The following UNC13C variants were observed in gnomAD, a reference collection of about 807,000 sequenced individuals.
UNC13C encodes the protein protein unc-13 homolog C.
A neutral mutation model predicts 245.4 loss-of-function variants in UNC13C; 174 were observed. The ratio of observed to expected loss-of-function variants is 0.71; its 90% CI spans 0.63 to 0.80. The LOEUF is 0.80. UNC13C is among the 30% of genes least tolerant of loss of function. The pLI is 0.00. For synonymous variants in UNC13C, 992 were observed against 895.1 expected (o/e 1.11, Z -1.93); for missense variants, 2,829 against 2,602.9 (o/e 1.09, Z -1.89).
chr15:54,267,913 T>C (rs993660524), intron 10 of UNC13C, among the ~76,000 whole-genome samples: 5 of 152,066 alleles, frequency 3.3e-5, no homozygotes, highest in Non-Finnish European at 1.5e-5. Flanking sequence ...AGTTGCCTCA[T>C]AGCTCCTTGA....
At chr15:54,323,104 C>G (rs941539108) in intron 14 of UNC13C, among the ~76,000 whole-genome samples, 4 of 150,738 alleles carry the variant, frequency 2.7e-5, no homozygotes, top group Non-Finnish European at 5.9e-5. Context: ...ATTTAGTTTA[C>G]TGAATATATT....
intron 28 of UNC13C, 126 bp downstream of exon 28, chr15:54,549,817 A>T (rs1171386611): frequency 1.5e-5 from 9 of 612,986 alleles, no homozygotes; most frequent in Non-Finnish European, 2.2e-5. Flanking sequence ...GTGATTTCAC[A>T]ATCTGCTTTA....
chr15:54,424,996 T>C (rs2040729934), intron 19 of UNC13C, among the ~76,000 whole-genome samples: 1 of 151,838 alleles, frequency 6.6e-6, no homozygotes, highest in African/African-American at 2.4e-5. Flanking sequence ...AGCTTCAAAA[T>C]GTGTCCTGAT....
intron 19 of UNC13C, among the ~76,000 whole-genome samples, chr15:54,453,802 A>C (rs1891316907): frequency 6.6e-6 from 1 of 152,172 alleles, no homozygotes; most frequent in African/African-American, 2.4e-5. Flanking sequence ...TTGATATAGT[A>C]TATTATTTTT....
At chr15:53,955,104 G>A in the UNC13C span, among the ~76,000 whole-genome samples, 1 of 152,170 alleles carries the variant, frequency 6.6e-6, no homozygotes, top group East Asian at 1.9e-4. Flanking sequence ...GTGCCATTAA[G>A]TGCAAAGCAA....
intron 8 of UNC13C, among the ~76,000 whole-genome samples, chr15:54,258,670 G>A (rs2036344390): frequency 6.6e-6 from 1 of 152,070 alleles, no homozygotes; most frequent in Non-Finnish European, 1.5e-5. Context: ...CTCCTGGCCT[G>A]AAGTTCTTTA....
chr15:54,041,272 T>C (rs1896796236), intron 2 of UNC13C, among the ~76,000 whole-genome samples: 1 of 152,212 alleles, frequency 6.6e-6, no homozygotes, highest in Admixed American at 6.5e-5. Context: ...TAATTGGTAG[T>C]CAAATATTTC....
chr15:54,186,799 C>T (rs1014671453), intron 4 of UNC13C, among the ~76,000 whole-genome samples: 1 of 145,508 alleles, frequency 6.9e-6, no homozygotes, highest in Non-Finnish European at 1.5e-5. Flanking sequence ...CCCTTAATTA[C>T]CACATTATCA....
chr15:54,197,545 C>T (rs2034395841), intron 4 of UNC13C, among the ~76,000 whole-genome samples: 1 of 151,990 alleles, frequency 6.6e-6, no homozygotes. Flanking sequence ...TGCATGATTA[C>T]ATTTTAAGCA....
intron 2 of UNC13C, among the ~76,000 whole-genome samples, chr15:54,084,455 T>C (rs1028484449): frequency 2.0e-4 from 31 of 152,350 alleles, no homozygotes; most frequent in South Asian, 8.3e-4. Context: ...TATTTCTGGC[T>C]TTATAAATTC....
At chr15:53,976,346 C>T (rs1188649467), upstream of UNC13C, among the ~76,000 whole-genome samples, 1 of 152,054 alleles carries the variant, frequency 6.6e-6, no homozygotes, top group African/African-American at 2.4e-5. Context: ...CCAATAAAAA[C>T]TAATGATTAC....
chr15:54,522,944 A>G (rs1449276693), intron 24 of UNC13C, among the ~76,000 whole-genome samples: 1 of 152,202 alleles, frequency 6.6e-6, no homozygotes, highest in African/African-American at 2.4e-5. Flanking sequence ...AAATAACAAT[A>G]CAAAAAGATT....
At chr15:53,985,990 C>T (rs1263761903) in intron 1 of UNC13C, among the ~76,000 whole-genome samples, 1 of 148,994 alleles carries the variant, frequency 6.7e-6, no homozygotes, top group Non-Finnish European at 1.5e-5. Context: ...ACTGTGGGTC[C>T]TGCTTGATGG....
At chr15:54,217,935 A>G (rs1421420570) in intron 4 of UNC13C, among the ~76,000 whole-genome samples, 2 of 151,928 alleles carry the variant, frequency 1.3e-5, no homozygotes, top group Non-Finnish European at 2.9e-5. Flanking sequence ...TGGACTACTT[A>G]ATGTCACATC....
At chr15:54,018,826 T>C (rs1257306292) in intron 2 of UNC13C, among the ~76,000 whole-genome samples, 1 of 152,228 alleles carries the variant, frequency 6.6e-6, no homozygotes, top group Non-Finnish European at 1.5e-5. Context: ...TTTTTAATCC[T>C]TTAACTTGTA....
chr15:54,516,799 C>A (rs866649140), intron 24 of UNC13C, among the ~76,000 whole-genome samples: 180 of 123,584 alleles, frequency 1.5e-3, no homozygotes, highest in African/African-American at 1.9e-3. Flanking sequence ...GATGCTGTCT[C>A]AAAAAAAAAA....
At chr15:53,887,720 AC>A in the UNC13C span, among the ~76,000 whole-genome samples, 1 of 150,922 alleles carries the variant, frequency 6.6e-6, no homozygotes, top group African/African-American at 2.4e-5. Context: ...ACTACGCCCC[AC>A]CCCCCGATAG....
chr15:54,110,536 A>G (rs1900715090), intron 2 of UNC13C, among the ~76,000 whole-genome samples: 1 of 152,244 alleles, frequency 6.6e-6, no homozygotes, highest in Non-Finnish European at 1.5e-5. Context: ...GAATAAAACA[A>G]TGCATTTTGT....
chr15:54,462,715 C>T (rs914272745), intron 19 of UNC13C, among the ~76,000 whole-genome samples: 7 of 152,244 alleles, frequency 4.6e-5, no homozygotes, highest in Non-Finnish European at 7.3e-5. Context: ...GACCTGCAGC[C>T]CGCCATGCCT....
Sources: allele counts gnomAD v4.1 joint callset (sites outside exome capture counted in the v4.1 genomes callset), GRCh38; gene constraint gnomAD v4.1.1; transcripts MANE v1.5; gene names NCBI Gene and HGNC (gene_info 2026-07-23, HGNC 2026-07-21).